PKIB: variants seen among roughly 807,000 people sequenced by gnomAD.
PKIB encodes cAMP-dependent protein kinase inhibitor beta.
A neutral mutation model predicts 4.5 loss-of-function variants in PKIB; 2 were observed. The observed-to-expected ratio is 0.44, with a 90% CI of 0.18 to 1.39. The LOEUF (loss-of-function observed/expected upper bound fraction) is 1.39. Ranked by LOEUF, PKIB falls within the 40% of genes most tolerant of loss-of-function variation. The pLI is 0.27. For synonymous variants in PKIB, 38 were observed against 36.0 expected, an observed-to-expected ratio of 1.06 and a Z score of -0.20; for missense variants, 94 against 92.6, an observed-to-expected ratio of 1.02 and a Z score of -0.06.
At chr6:122,607,085 A>C (rs9388102), upstream of PKIB, among the ~76,000 whole-genome samples, 1 of 150,206 alleles carries the variant, frequency 6.7e-6, no homozygotes, top group South Asian at 2.1e-4. Context: ...GTAAAAAAAA[A>C]AATAATAATA....
chr6:122,695,385 G>A (rs1778531801), intron 3 of PKIB, among the ~76,000 whole-genome samples: 1 of 151,738 alleles, frequency 6.6e-6, no homozygotes, highest in African/African-American at 2.4e-5. Flanking sequence ...ATACATTATT[G>A]TATTGTATGT....
intron 2 of PKIB, among the ~76,000 whole-genome samples, chr6:122,494,918 G>T (rs914576241): frequency 5.9e-5 from 9 of 152,302 alleles, no homozygotes; most frequent in African/African-American, 2.2e-4. Context: ...CACTCCTCCA[G>T]GCCAATACAG....
intron 3 of PKIB, among the ~76,000 whole-genome samples, chr6:122,712,920 T>A (rs1779330621): frequency 6.6e-6 from 1 of 152,126 alleles, no homozygotes; most frequent in Non-Finnish European, 1.5e-5. Context: ...CATACTAACA[T>A]CCTCTTTTTC....
chr6:122,703,169 A>G (rs1778901685), intron 3 of PKIB, among the ~76,000 whole-genome samples: 1 of 152,210 alleles, frequency 6.6e-6, no homozygotes, highest in Non-Finnish European at 1.5e-5. Context: ...TATAATGTAC[A>G]CATGCATATT....
At chr6:122,585,277 C>G (rs1276692719) in intron 2 of PKIB, among the ~76,000 whole-genome samples, 2 of 152,114 alleles carry the variant, frequency 1.3e-5, no homozygotes, top group Non-Finnish European at 2.9e-5. Flanking sequence ...GACTTGTCTG[C>G]CCTGCACCTT....
intron 3 of PKIB, among the ~76,000 whole-genome samples, chr6:122,712,621 T>C (rs1582837851): frequency 6.6e-6 from 1 of 152,268 alleles, no homozygotes; most frequent in East Asian, 1.9e-4. Context: ...TTTACTTCTT[T>C]GTTATTTTGT....
intron 3 of PKIB, among the ~76,000 whole-genome samples, chr6:122,707,583 A>T (rs141695218): frequency 0.012 from 1,902 of 152,210 alleles, 41 homozygotes; most frequent in African/African-American, 0.042. Context: ...GTACTCAGCC[A>T]TGTTCCTTGC....
At chr6:122,584,505 A>G (rs1045423530) in intron 2 of PKIB, among the ~76,000 whole-genome samples, 10 of 152,136 alleles carry the variant, frequency 6.6e-5, no homozygotes, top group African/African-American at 2.4e-4. Flanking sequence ...CTAACTACCT[A>G]GTGGGATTCT....
intron 2 of PKIB, among the ~76,000 whole-genome samples, chr6:122,642,315 A>G (rs1348169732): frequency 1.3e-5 from 2 of 152,164 alleles, no homozygotes; most frequent in Admixed American, 1.3e-4. Flanking sequence ...TCCAGCCCAA[A>G]TCTCAAAATC....
intron 3 of PKIB, among the ~76,000 whole-genome samples, chr6:122,679,848 C>A (rs985360643): frequency 6.6e-6 from 1 of 152,184 alleles, no homozygotes; most frequent in Non-Finnish European, 1.5e-5. Flanking sequence ...GAGAGGTATT[C>A]TTTTGTGAAC....
chr6:122,502,598 A>T (rs1776275811), intron 2 of PKIB, among the ~76,000 whole-genome samples: 1 of 152,124 alleles, frequency 6.6e-6, no homozygotes, highest in African/African-American at 2.4e-5. Context: ...AAGAGCAGAA[A>T]GGGGAAAGTC....
chr6:122,566,627 T>C (rs1032215734), intron 2 of PKIB, among the ~76,000 whole-genome samples: 1 of 148,692 alleles, frequency 6.7e-6, no homozygotes, highest in African/African-American at 2.5e-5. Flanking sequence ...CCTTCCTCCC[T>C]TCCTCCCTCC....
intron 2 of PKIB, among the ~76,000 whole-genome samples, chr6:122,525,435 A>G (rs962519991): frequency 3.0e-4 from 46 of 152,288 alleles, no homozygotes; most frequent in African/African-American, 1.1e-3. Flanking sequence ...CTTGAGAAGA[A>G]TGTATATTCT....
At chr6:122,497,689 C>A (rs896719704) in intron 2 of PKIB, among the ~76,000 whole-genome samples, 1 of 152,136 alleles carries the variant, frequency 6.6e-6, no homozygotes, top group Admixed American at 6.5e-5. Context: ...TATACATAAT[C>A]AACAATGGAG....
At chr6:122,640,472 A>G (rs1448924848) in intron 2 of PKIB, among the ~76,000 whole-genome samples, 2 of 152,156 alleles carry the variant, frequency 1.3e-5, no homozygotes, top group Non-Finnish European at 2.9e-5. Context: ...TGTACTGTCA[A>G]CTTCAGTTTG....
chr6:122,682,655 A>AT (rs778351985), intron 3 of PKIB, among the ~76,000 whole-genome samples: 33 of 152,174 alleles, frequency 2.2e-4, no homozygotes, highest in Non-Finnish European at 3.7e-4. Context: ...CTCAGATTCT[A>AT]TTAATCTATC....
chr6:122,637,996 A>C (rs1019975001), intron 2 of PKIB, among the ~76,000 whole-genome samples: 7 of 152,184 alleles, frequency 4.6e-5, no homozygotes, highest in Non-Finnish European at 1.0e-4. Flanking sequence ...GAATTAAAAT[A>C]ACATGTTAAA....
intron 2 of PKIB, among the ~76,000 whole-genome samples, chr6:122,522,083 G>T (rs983208118): frequency 7.9e-5 from 12 of 152,004 alleles, no homozygotes; most frequent in African/African-American, 2.4e-4. Context: ...ACTTGAATTT[G>T]CTTTTTGTCT....
intron 1 of PKIB, among the ~76,000 whole-genome samples, chr6:122,473,029 T>C (rs751974462): frequency 1.3e-5 from 2 of 152,122 alleles, no homozygotes; most frequent in Non-Finnish European, 2.9e-5. Flanking sequence ...GAGAACTGCT[T>C]GAACCCGGGA....
Sources: gnomAD v4.1 joint callset for allele counts (sites outside exome capture counted in the v4.1 genomes callset) on GRCh38, gnomAD v4.1.1 for gene constraint, MANE v1.5 for transcripts, NCBI Gene and HGNC (gene_info 2026-07-23, HGNC 2026-07-21) for gene names.